The following FAM117B variants were observed in gnomAD, a reference collection of about 807,000 sequenced individuals.
The protein encoded by FAM117B is protein FAM117B.
FAM117B carries 22 observed loss-of-function variants against 52.8 expected under a neutral mutation model. That is an observed-to-expected ratio of 0.42 (90% confidence interval 0.30 to 0.59). The LOEUF is 0.59. Ranked by LOEUF, FAM117B falls within the 20% of genes least tolerant of loss-of-function variation. The probability of loss-of-function intolerance (pLI) is 0.22; values close to 1 mark genes in which losing one functional copy is unlikely to be tolerated. For synonymous variants in FAM117B, 309 were observed against 324.1 expected (o/e 0.95, Z 0.50); for missense variants, 678 against 802.6 (o/e 0.84, Z 1.88).
intron 2 of FAM117B, among the ~76,000 whole-genome samples, chr2:202,701,739 G>A (rs1690797905): frequency 6.6e-6 from 1 of 152,216 alleles, no homozygotes; most frequent in Non-Finnish European, 1.5e-5. Flanking sequence ...GAAATAGCAA[G>A]ATAACTAGAA....
At chr2:202,721,600 C>G (rs1347424667) in intron 2 of FAM117B, among the ~76,000 whole-genome samples, 1 of 152,108 alleles carries the variant, frequency 6.6e-6, no homozygotes, top group African/African-American at 2.4e-5. Context: ...ATACTAACTC[C>G]TTTAATTACC....
chr2:202,725,128 G>A (rs1691220429), intron 3 of FAM117B, 119 bp downstream of exon 3: 1 of 649,698 alleles, frequency 1.5e-6, no homozygotes, highest in Non-Finnish European at 2.5e-6. Flanking sequence ...TTTCTTTTTG[G>A]CTTCTGAAAT....
In FAM117B at chr2:202,765,806, C is replaced by T; in HGVS notation, c.*42C>T. 1 of 1,575,772 alleles carries T rather than the reference C, an allele frequency of 6.3e-7. No individual in the cohort carries two copies. ...GCTGTTGTTCTGGGAAATTGGGAAC[C>T]TCCTCAGATCACTGGATTCTGATGG... On this transcript the variant is annotated 3_prime_UTR_variant, in exon 8 of 8. Transcript: ENST00000392238.
chr2:202,707,045 G>T (rs549884594), intron 2 of FAM117B, among the ~76,000 whole-genome samples: 1 of 152,000 alleles, frequency 6.6e-6, no homozygotes, highest in South Asian at 2.1e-4. Flanking sequence ...TTTTGTTGTT[G>T]TTGTTTTTAT....
At chr2:202,721,709 G>A (rs545049847) in intron 2 of FAM117B, among the ~76,000 whole-genome samples, 9 of 152,122 alleles carry the variant, frequency 5.9e-5, no homozygotes, top group African/African-American at 1.9e-4. Context: ...GCACAGCTCA[G>A]TGCAGCCTCA....
At chr2:202,715,199 G>A (rs1398554224) in intron 2 of FAM117B, among the ~76,000 whole-genome samples, 7 of 149,898 alleles carry the variant, frequency 4.7e-5, no homozygotes, top group Admixed American at 1.3e-4. Context: ...TCGGCTGGCC[G>A]GGCGGGGGCT....
chr2:202,738,525 A>G (rs183355339), intron 4 of FAM117B, among the ~76,000 whole-genome samples: 1 of 152,348 alleles, frequency 6.6e-6, no homozygotes, highest in African/African-American at 2.4e-5. Context: ...TGAAGTACTC[A>G]TTTTAGAAAA....
intron 1 of FAM117B, among the ~76,000 whole-genome samples, chr2:202,670,352 C>T (rs551096569): frequency 7.9e-4 from 119 of 150,478 alleles, no homozygotes; most frequent in African/African-American, 2.8e-3. Context: ...TGCAGTGGCA[C>T]AGTCTCGGCT....
intron 4 of FAM117B, among the ~76,000 whole-genome samples, chr2:202,735,068 C>G (rs751283964): frequency 6.6e-6 from 1 of 151,986 alleles, no homozygotes; most frequent in Admixed American, 6.6e-5. Flanking sequence ...GATTACACTG[C>G]CTTTTTGTAT....
chr2:202,661,071 T>C (rs1360778761), intron 1 of FAM117B, among the ~76,000 whole-genome samples: 2 of 152,252 alleles, frequency 1.3e-5, no homozygotes, highest in Non-Finnish European at 2.9e-5. Flanking sequence ...TGGGATGCCC[T>C]TGAATCTAAT....
At position 202,740,174 on chromosome 2, in the gene FAM117B, CAAAAAAAAAAAAAA is replaced by C. The variant is rs67479326; in HGVS notation, c.960+13826_960+13839del. On this transcript the variant is annotated intron_variant, in intron 4 of 7. Transcript: ENST00000392238. ...GAGGACAGAGCGAGACTTCATCCCC[CAAAAAAAAAAAAAA>C]AAAAAAAAAAAAAATCCCCAAATTA... Among the ~76,000 whole-genome samples the C allele has an allele frequency of 3.0e-5, 3 of 100,610 alleles. 1 individual carries two copies. Among genetic ancestry groups the C allele is most frequent in the Admixed American group, 1.5e-4 (1 of 6,896 alleles). 66.0% of individuals were successfully genotyped at this position (100,610 alleles called of 152,430 possible).
chr2:202,690,129 A>G (rs939480512), intron 1 of FAM117B, among the ~76,000 whole-genome samples: 6 of 152,108 alleles, frequency 3.9e-5, no homozygotes, highest in African/African-American at 1.4e-4. Context: ...GAACTCCAGG[A>G]CCCAAGGCGT....
chr2:202,701,797 T>C (rs1455134993), intron 2 of FAM117B, among the ~76,000 whole-genome samples: 1 of 152,238 alleles, frequency 6.6e-6, no homozygotes, highest in African/African-American at 2.4e-5. Context: ...AATCTCATGA[T>C]AAAACTTAAG....
chr2:202,744,497 T>C (rs1347790000), intron 4 of FAM117B, among the ~76,000 whole-genome samples: 2 of 152,130 alleles, frequency 1.3e-5, no homozygotes, highest in Non-Finnish European at 2.9e-5. Context: ...ATATTGTGCA[T>C]CAGATTTCAA....
intron 1 of FAM117B, among the ~76,000 whole-genome samples, chr2:202,646,500 G>A (rs1689866050): frequency 6.6e-6 from 1 of 152,130 alleles, no homozygotes; most frequent in African/African-American, 2.4e-5. Flanking sequence ...AAGGATATGT[G>A]TAGTGTCCTT....
Position 202,765,688 on chromosome 2 carries a change from C to T in FAM117B, c.1694C>T (p.Ser565Phe), listed in dbSNP as rs1374600854. ...LSTNTEQDRV[S>F]RGTSTVMPSA... is the part of the protein sequence containing the mutation. ...ACAAACACAGAGCAAGACCGAGTCT[C>T]TCGAGGAACAAGTACAGTCATGCCA... The change falls in exon 8 of 8, where the codon TCT (serine) becomes TTT (phenylalanine). Residue 565 changes from serine (S) to phenylalanine (F), a missense_variant. Ser to Phe is a radical substitution (Grantham distance 155). This residue lies in a region of FAM117B where 68 missense variants were observed against 80.6 expected (regional missense o/e 0.84). Coordinates refer to ENST00000392238, the MANE Select transcript of FAM117B (RefSeq NM_173511.4). The T allele has an allele frequency of 6.2e-7, 1 of 1,614,022 alleles. No individual in the cohort carries two copies. The highest frequency in any genetic ancestry group is 8.5e-7 in the Non-Finnish European group (1 of 1,180,032).
chr2:202,724,922 G>C lies in FAM117B; in HGVS notation c.759G>C (p.Glu253Asp), dbSNP rs1691215584. ...PCMRDKATQT[E>D]SAWAEEYSEK... is the part of the protein sequence containing the mutation. ...CCCCTCTTTTTTCATTACAGACAGA[G>C]AGTGCATGGGCTGAAGAATACTCTG... The change falls in exon 3 of 8, where the codon GAG becomes GAC. Residue 253 changes from glutamate to aspartate, a missense_variant. Glu to Asp is a conservative substitution (Grantham distance 45). Coordinates refer to ENST00000392238, the MANE Select transcript of FAM117B (RefSeq NM_173511.4). 1.2e-6 allele frequency: 2 copies of C among 1,602,464 alleles called. No homozygotes were observed. Among genetic ancestry groups the C allele is most frequent in the Non-Finnish European group, 1.7e-6 (2 of 1,173,812 alleles).
intron 1 of FAM117B, among the ~76,000 whole-genome samples, chr2:202,655,528 T>A (rs750982284): frequency 6.6e-6 from 1 of 152,160 alleles, no homozygotes; most frequent in Non-Finnish European, 1.5e-5. Flanking sequence ...TCTGTTCTTA[T>A]AATGCCTTTG....
chr2:202,655,506 G>T (rs1346218248), intron 1 of FAM117B, among the ~76,000 whole-genome samples: 1 of 152,012 alleles, frequency 6.6e-6, no homozygotes, highest in Non-Finnish European at 1.5e-5. Flanking sequence ...GAGGTATATT[G>T]GTTTGTAGTG....
Sources: gnomAD v4.1 joint callset for allele counts (sites outside exome capture counted in the v4.1 genomes callset) on GRCh38, gnomAD v4.1.1 for gene constraint, gnomAD v4.1.1 regional missense constraint, MANE v1.5 for transcripts, NCBI Gene and HGNC (gene_info 2026-07-23, HGNC 2026-07-21) for gene names.